Variants in GDF5 observed in about 807,000 individuals in gnomAD.
GDF5 encodes growth/differentiation factor 5.
A neutral mutation model predicts 34.6 loss-of-function variants in GDF5; 17 were observed. The observed-to-expected ratio is 0.49, with a 90% CI of 0.34 to 0.74. GDF5 has a LOEUF of 0.74. Ranked by LOEUF, GDF5 falls within the 30% of genes least tolerant of loss-of-function variation. The probability of loss-of-function intolerance (pLI) is 0.01; values close to 1 mark genes in which losing one functional copy is unlikely to be tolerated. For missense variants in GDF5, 616 were observed against 661.2 expected, an observed-to-expected ratio of 0.93 and a Z score of 0.75; for synonymous variants, 332 against 290.7, an observed-to-expected ratio of 1.14 and a Z score of -1.44.
rs773892241 is a variant in GDF5 at position 35,434,376 on chromosome 20, G to A, written c.1039C>T (p.Arg347Cys). 8.1e-6 allele frequency: 13 copies of A among 1,613,734 alleles called. No individual in the cohort carries two copies. Among genetic ancestry groups the A allele is most frequent in the African/African-American group, 1.3e-5 (1 of 75,048 alleles). The change falls in exon 2 of 2, where the codon CGC (arginine) becomes TGC (cysteine). Residue 347 changes from arginine to cysteine, a missense_variant. Arg to Cys is a radical substitution (Grantham distance 180). Coordinates refer to ENST00000374369, the MANE Select transcript of GDF5 (RefSeq NM_000557.5). ...HEKALFLVFG[R>C]TKKRDLFFNE... ...AAGAACAGGTCCCGTTTCTTGGTGC[G>A]GCCAAACACCAGGAACAGGGCTTTC...
In GDF5 at chr20:35,438,045, TAGC is replaced by T; in HGVS notation, c.-120_-118del. 2 of 1,186,420 alleles carry T rather than the reference TAGC, an allele frequency of 1.7e-6. No individual in the cohort carries two copies. Among genetic ancestry groups the T allele is most frequent in the South Asian group, 2.6e-5 (2 of 76,320 alleles). The allele number at this position is 1,186,420 out of a possible 1,614,324, so 73.5% of individuals were successfully genotyped here. A position where few individuals can be genotyped will look rare whatever the true frequency, so the allele number is the denominator to read the frequency against. On this transcript the variant is annotated 5_prime_UTR_variant, in exon 1 of 2. Transcript: ENST00000374369. Reference sequence around the variant, plus strand: ...CTTTCAAAAGCAGCGGCAGCAGCAGTAGCAGCAGAAGGAAAGGCTTTCTCCTCA... The same window carrying T: ...CTTTCAAAAGCAGCGGCAGCAGCAGTAGCAGAAGGAAAGGCTTTCTCCTCA...
chr20:35,441,734 T>A (rs1464983919), upstream of GDF5, among the ~76,000 whole-genome samples: 1 of 152,060 alleles, frequency 6.6e-6, no homozygotes, highest in Non-Finnish European at 1.5e-5. Flanking sequence ...ATTACAGGTG[T>A]AAGCCACCAT....
At position 35,438,085 on chromosome 20, in the gene GDF5, T is replaced by C. The variant is rs965786225; in HGVS notation, c.-157A>G. ...AGGCTTTCTCCTCAGTCTGAGACTC[T>C]TGAAGTCTGCCGGGTGTGTGTTTGT... is the stretch of plus-strand genomic sequence containing the variant. On this transcript the variant is annotated 5_prime_UTR_variant, in exon 1 of 2. Coordinates refer to ENST00000374369, the MANE Select transcript of GDF5 (RefSeq NM_000557.5). 4 of 806,080 alleles carry C rather than the reference T, an allele frequency of 5.0e-6. No individual in the cohort carries two copies. In the African/African-American group the frequency reaches 6.9e-5, roughly 14 times the overall value. 49.9% of individuals were successfully genotyped at this position (806,080 alleles called of 1,614,324 possible). A position where few individuals can be genotyped will look rare whatever the true frequency, so the allele number is the denominator to read the frequency against.
upstream of GDF5, among the ~76,000 whole-genome samples, chr20:35,441,545 C>A (rs535034526): frequency 4.0e-5 from 6 of 151,800 alleles, no homozygotes; most frequent in East Asian, 1.2e-3. Context: ...ACCTCCACCC[C>A]CCGGGTTCAA....
rs149593773 is a variant in GDF5, at chr20:35,434,560, G to A, written c.855C>T (p.Gly285=). Residue 285 remains glycine, a synonymous_variant, in exon 2 of 2, where the codon GGC becomes GGT. Transcript: ENST00000374369. ...ACACCTCCCAGCCAGATCCGTCCAG[G>A]CCTGGCACGGAGCGCACATCCAGCA... ...AALLDVRSVP[G]LDGSGWEVFD... 4.4e-4 allele frequency: 701 copies of A among 1,591,676 alleles called. 1 individual carries two copies. Among genetic ancestry groups the A allele is most frequent in the Non-Finnish European group, 5.7e-4 (671 of 1,167,606 alleles).
rs149907722 is a variant in GDF5 at position 35,437,967 on chromosome 20, G to T, written c.-39C>A. On this transcript the variant is annotated 5_prime_UTR_variant, in exon 1 of 2. Coordinates refer to ENST00000374369, the MANE Select transcript of GDF5 (RefSeq NM_000557.5). ...GCTGAATGACACCAAAGAGAACAGCGGCAGCAGCGAAGGTGCCTCTGGTTT... is the reference window on the plus strand; with the variant it reads ...GCTGAATGACACCAAAGAGAACAGCTGCAGCAGCGAAGGTGCCTCTGGTTT... The T allele has an allele frequency of 9.1e-5, 146 of 1,610,516 alleles. No individual in the cohort carries two copies. Among genetic ancestry groups the T allele is most frequent in the Non-Finnish European group, 1.2e-4 (136 of 1,178,018 alleles).
At position 35,437,377 on chromosome 20, in the gene GDF5, G is replaced by A; in HGVS notation, c.552C>T (p.Asp184=). ...TCACGCTGCTGTTGCCTCCCTTTCT[G>A]TCAGCATCGGACAGCGTCCTGTACA... ...LSLYRTLSDA[D]RKGGNSSVKL... is the part of the protein sequence containing the mutation. Residue 184 remains aspartate (D), a synonymous_variant, in exon 1 of 2, where the codon GAC becomes GAT. Coordinates refer to ENST00000374369, the MANE Select transcript of GDF5 (RefSeq NM_000557.5). 6.2e-7 allele frequency: 1 copy of A among 1,612,820 alleles called. No homozygotes were observed. The highest frequency in any genetic ancestry group is 8.5e-7 in the Non-Finnish European group (1 of 1,178,986).
At chr20:35,444,072 C>A (rs2062506649) in intron 1 of GDF5, among the ~76,000 whole-genome samples, 1 of 152,114 alleles carries the variant, frequency 6.6e-6, no homozygotes, top group Non-Finnish European at 1.5e-5. Context: ...GTATTCATTT[C>A]TTTATCTACT....
rs143910346 is a variant in GDF5 at position 35,450,443 on chromosome 20, C to A, written c.-398+4197G>T. ...CCTCTATTTTTCCCTCTCTGTCATC[C>A]TCAGCTCACTTTAGTCACTCAACAT... is the stretch of plus-strand genomic sequence containing the variant. On this transcript the variant is annotated intron_variant, in intron 1 of 3. Transcript: ENST00000374372. 8.1e-4 allele frequency among the ~76,000 whole-genome samples: 123 copies of A among 152,112 alleles called. 1 individual carries two copies. Among genetic ancestry groups the A allele is most frequent in the African/African-American group, 2.9e-3 (121 of 41,472 alleles).
intron 1 of GDF5, among the ~76,000 whole-genome samples, chr20:35,448,413 A>AAAATATATATAT (rs1236837477): frequency 2.1e-5 from 2 of 96,478 alleles, no homozygotes; most frequent in African/African-American, 8.1e-5. Context: ...AAAAAAAAAA[A>AAAATATATATAT]ATATATATAT....
upstream of GDF5, among the ~76,000 whole-genome samples, chr20:35,440,041 C>T (rs1436847670): frequency 2.7e-5 from 4 of 148,810 alleles, no homozygotes; most frequent in East Asian, 2.0e-4. Flanking sequence ...CTCAGCCTCT[C>T]GAGTAGCTGG....
chr20:35,446,981 CTTTTTT>C (rs925542616), intron 1 of GDF5, among the ~76,000 whole-genome samples: 11 of 152,080 alleles, frequency 7.2e-5, no homozygotes, highest in African/African-American at 2.4e-4. Context: ...CTTTTCTTTT[CTTTTTT>C]ATTATTATTA....
At chr20:35,453,886 A>G (rs2062549502) in intron 1 of GDF5, 1 of 534,456 alleles carries the variant, frequency 1.9e-6, no homozygotes, top group Non-Finnish European at 3.8e-6. Context: ...GCTGAGCGCT[A>G]TAGTCAGATG....
chr20:35,454,603 C>A (rs1291572672), intron 1 of GDF5: 1 of 152,470 alleles, frequency 6.6e-6, no homozygotes, highest in African/African-American at 2.4e-5. Context: ...TGTGCAGAGA[C>A]ATGCAGACAA....
intron 1 of GDF5, among the ~76,000 whole-genome samples, chr20:35,444,250 C>A (rs113552118): frequency 6.6e-5 from 10 of 152,000 alleles, no homozygotes; most frequent in African/African-American, 2.4e-4. Context: ...GGAACAAACA[C>A]ATAAGAGAAT....
intron 1 of GDF5, among the ~76,000 whole-genome samples, chr20:35,435,987 CGT>C (rs200686436): frequency 1.9e-3 from 287 of 151,938 alleles, no homozygotes; most frequent in African/African-American, 6.4e-3. Context: ...TGATTCAGCA[CGT>C]GTGTGTGTGA....
upstream of GDF5, among the ~76,000 whole-genome samples, chr20:35,442,204 T>C (rs566496831): frequency 3.9e-5 from 6 of 152,252 alleles, no homozygotes; most frequent in African/African-American, 1.4e-4. Flanking sequence ...TGGAGTGCAG[T>C]GGCGCAATCT....
At chr20:35,436,329 G>A (rs1326922246) in intron 1 of GDF5, among the ~76,000 whole-genome samples, 6 of 60,786 alleles carry the variant, frequency 9.9e-5, no homozygotes, top group East Asian at 3.7e-4. Flanking sequence ...TGCCTCCCCC[G>A]CCCCCTGGCA....
chr20:35,448,408 AAAAAAAT>A (rs1443209409), intron 1 of GDF5, among the ~76,000 whole-genome samples: 1 of 142,756 alleles, frequency 7.0e-6, no homozygotes, highest in African/African-American at 2.6e-5. Flanking sequence ...AAAAAAAAAA[AAAAAAAT>A]ATATATATAT....
Sources: allele counts gnomAD v4.1 joint callset (sites outside exome capture counted in the v4.1 genomes callset), GRCh38; gene constraint gnomAD v4.1.1; transcripts MANE v1.5; gene names NCBI Gene and HGNC (gene_info 2026-07-23, HGNC 2026-07-21).